TNFAIP6: variants seen among roughly 807,000 people sequenced by gnomAD.
The protein encoded by TNFAIP6 is tumor necrosis factor-inducible gene 6 protein.
TNFAIP6 carries 36 observed loss-of-function variants against 33.7 expected under a neutral mutation model. The observed-to-expected ratio is 1.07, with a 90% CI of 0.82 to 1.41. TNFAIP6 has a LOEUF of 1.41. Among genes scored for constraint, TNFAIP6 ranks in the 40% most tolerant of loss-of-function variants. TNFAIP6 has a pLI of 0.00. For synonymous variants in TNFAIP6, 113 were observed against 112.8 expected (o/e 1.00, Z -0.01); for missense variants, 273 against 331.9 (o/e 0.82, Z 1.38).
rs764178747 is a variant in TNFAIP6, at chr2:151,370,220, T to G, written c.595T>G (p.Tyr199Asp). The G allele has an allele frequency of 6.2e-7, 1 of 1,613,988 alleles. No individual in the cohort carries two copies. The highest frequency in any genetic ancestry group is 8.5e-7 in the Non-Finnish European group (1 of 1,179,992). The change falls in exon 4 of 6, where the codon TAC becomes GAC. Residue 199 changes from tyrosine (Y) to aspartate (D), a missense_variant. Tyr to Asp is a radical substitution (Grantham distance 160). Transcript: ENST00000243347. ...LADYVEIYDS[Y>D]DDVHGFVGRY... is the part of the protein sequence containing the mutation. Reference sequence around the variant, plus strand: ...TGATTATGTTGAAATATATGACAGTTACGATGATGTCCATGGCTTTGTGGG... The same window carrying G: ...TGATTATGTTGAAATATATGACAGTGACGATGATGTCCATGGCTTTGTGGG...
At chr2:151,370,319 C>T (rs547132835) in intron 4 of TNFAIP6, 71 bp downstream of exon 4, 1 of 1,078,358 alleles carries the variant, frequency 9.3e-7, no homozygotes, top group Non-Finnish European at 1.4e-6. Context: ...TTTAATTTTC[C>T]CTCAACTGTC....
chr2:151,365,158 T>C (rs1011049486), intron 2 of TNFAIP6, among the ~76,000 whole-genome samples: 2 of 152,102 alleles, frequency 1.3e-5, no homozygotes, highest in Non-Finnish European at 2.9e-5. Flanking sequence ...CTAGGCAACA[T>C]AGCGAAACCT....
chr2:151,365,441 C>A (rs190412955), intron 2 of TNFAIP6, among the ~76,000 whole-genome samples: 1 of 152,112 alleles, frequency 6.6e-6, no homozygotes, highest in East Asian at 1.9e-4. Flanking sequence ...GGGTTTGAGA[C>A]CAGTCTGGCC....
chr2:151,357,605 C>G lies in TNFAIP6; in HGVS notation c.-62C>G. ...ACCAGATGTTTCAGTCACATTTCAG[C>G]CACTGCTCTGAGAATTTGTGAGCAG... On this transcript the variant is annotated 5_prime_UTR_variant, in exon 1 of 6. Transcript: ENST00000243347. 1 of 1,018,152 alleles carries G rather than the reference C, an allele frequency of 9.8e-7. No homozygotes were observed. Among genetic ancestry groups the G allele is most frequent in the South Asian group, 1.3e-5 (1 of 77,928 alleles). The allele number at this position is 1,018,152 out of a possible 1,614,324, so 63.1% of individuals were successfully genotyped here.
intron 1 of TNFAIP6, among the ~76,000 whole-genome samples, chr2:151,362,292 A>G (rs1265064920): frequency 6.6e-6 from 1 of 152,276 alleles, no homozygotes; most frequent in East Asian, 1.9e-4. Context: ...AACACTGCCT[A>G]AAATATGTTG....
In TNFAIP6 at chr2:151,377,854, C is replaced by A. The variant is rs559611024; in HGVS notation, c.665-1510C>A. 2.6e-5 allele frequency among the ~76,000 whole-genome samples: 4 copies of A among 152,142 alleles called. No homozygotes were observed. In the South Asian group the frequency reaches 8.3e-4, roughly 32 times the overall value. Reference sequence around the variant, plus strand: ...TATGAGAAAATAGCAGTCTGAGAATCAGAGCATGAACTCGGAAACCAGACT... The same window carrying A: ...TATGAGAAAATAGCAGTCTGAGAATAAGAGCATGAACTCGGAAACCAGACT... On this transcript the variant is annotated intron_variant, in intron 5 of 5. Coordinates refer to ENST00000243347, the MANE Select transcript of TNFAIP6 (RefSeq NM_007115.4).
intron 3 of TNFAIP6, among the ~76,000 whole-genome samples, chr2:151,369,688 T>C (rs1322407117): frequency 2.0e-5 from 3 of 152,050 alleles, no homozygotes; most frequent in Non-Finnish European, 4.4e-5. Flanking sequence ...AGTGGGAGGA[T>C]TGCTTGAGCC....
chr2:151,377,037 C>T (rs1684923843), intron 5 of TNFAIP6, among the ~76,000 whole-genome samples: 1 of 151,844 alleles, frequency 6.6e-6, no homozygotes, highest in Non-Finnish European at 1.5e-5. Flanking sequence ...TGGGGTTTTG[C>T]TATGTTGCCT....
chr2:151,359,386 A>ATT (rs35150597), intron 1 of TNFAIP6, among the ~76,000 whole-genome samples: 11,677 of 130,090 alleles, frequency 0.09, 749 homozygotes, highest in East Asian at 0.24. Flanking sequence ...GCAACTCATA[A>ATT]TTTTTTTTTT....
Position 151,366,084 on chromosome 2 carries a change from G to A in TNFAIP6, c.261G>A (p.Met87Ile). ...TTCATGTCTGTGCTGCTGGATGGAT[G>A]GCTAAGGGCAGAGTTGGATACCCCA... ...IGFHVCAAGW[M>I]AKGRVGYPIV... Residue 87 changes from methionine to isoleucine, a missense_variant, in exon 3 of 6, where the codon ATG (methionine) becomes ATA (isoleucine). Physicochemically the swap from Met to Ile is conservative, Grantham distance 10. Transcript: ENST00000243347. 6.2e-7 allele frequency: 1 copy of A among 1,614,082 alleles called. No individual in the cohort carries two copies. The highest frequency in any genetic ancestry group is 8.5e-7 in the Non-Finnish European group (1 of 1,179,996).
intron 3 of TNFAIP6, among the ~76,000 whole-genome samples, chr2:151,368,073 A>G (rs1464279037): frequency 6.6e-6 from 1 of 152,110 alleles, no homozygotes. Context: ...ATTGGATGCT[A>G]TGGGATGGAA....
At chr2:151,376,549 T>G (rs1038921487) in intron 5 of TNFAIP6, among the ~76,000 whole-genome samples, 4 of 152,200 alleles carry the variant, frequency 2.6e-5, no homozygotes, top group African/African-American at 9.6e-5. Flanking sequence ...TTGATAACTC[T>G]GTAGTGACCA....
rs140516340 is a variant in TNFAIP6 at position 151,370,074 on chromosome 2, G to A, written c.449G>A (p.Gly150Asp). 2 of 1,613,870 alleles carry A rather than the reference G, an allele frequency of 1.2e-6. No individual in the cohort carries two copies. The highest frequency in any genetic ancestry group is 1.7e-6 in the Non-Finnish European group (2 of 1,179,992). The part of the protein sequence containing the change: ...TDPKQIFKSP[G>D]FPNEYEDNQI... ...CCAAAGCAAATTTTTAAATCTCCAG[G>A]CTTCCCAAATGAGTACGAAGATAAC... Residue 150 changes from glycine to aspartate, a missense_variant, in exon 4 of 6, where the codon GGC becomes GAC. Transcript: ENST00000243347.
chr2:151,375,442 C>T (rs904749129), intron 5 of TNFAIP6, among the ~76,000 whole-genome samples: 1 of 152,142 alleles, frequency 6.6e-6, no homozygotes, highest in Non-Finnish European at 1.5e-5. Context: ...GGTGTGGTGG[C>T]TTACGCCTGT....
intron 3 of TNFAIP6, among the ~76,000 whole-genome samples, chr2:151,369,801 C>T (rs1000892017): frequency 6.6e-6 from 1 of 152,018 alleles, no homozygotes; most frequent in Non-Finnish European, 1.5e-5. Context: ...AATAAATTCA[C>T]AAAGAGTCCA....
intron 1 of TNFAIP6, among the ~76,000 whole-genome samples, chr2:151,361,966 G>A (rs1323206244): frequency 1.3e-5 from 2 of 152,148 alleles, no homozygotes; most frequent in East Asian, 1.9e-4. Context: ...TTATTGAGCT[G>A]TGGCAATGTC....
intron 5 of TNFAIP6, chr2:151,373,853 C>G (rs1274392502): frequency 8.3e-6 from 2 of 241,030 alleles, no homozygotes; most frequent in African/African-American, 4.5e-5. Flanking sequence ...ATCTGCAAAT[C>G]CACAAATATT....
At chr2:151,358,554 G>A in intron 1 of TNFAIP6, among the ~76,000 whole-genome samples, 1 of 152,026 alleles carries the variant, frequency 6.6e-6, no homozygotes, top group African/African-American at 2.4e-5. Context: ...GTTCATTATT[G>A]TGTTTAATAG....
At chr2:151,357,978 C>T (rs1684564291) in intron 1 of TNFAIP6, among the ~76,000 whole-genome samples, 1 of 151,270 alleles carries the variant, frequency 6.6e-6, no homozygotes, top group South Asian at 2.1e-4. Context: ...GTGAATTGTT[C>T]AGTAGAAAAT....
Sources: gnomAD v4.1 joint callset for allele counts (sites outside exome capture counted in the v4.1 genomes callset) on GRCh38, gnomAD v4.1.1 for gene constraint, MANE v1.5 for transcripts, NCBI Gene and HGNC (gene_info 2026-07-23, HGNC 2026-07-21) for gene names.